Variants in ZNF827 observed in about 807,000 individuals in gnomAD.
ZNF827 encodes zinc finger protein 827.
In ZNF827, 13 loss-of-function variants were observed where a neutral mutation model predicts 102.4. That is an observed-to-expected ratio of 0.13 (90% CI 0.08 to 0.20). ZNF827 has a LOEUF of 0.20. ZNF827 is among the 10% of genes least tolerant of loss of function. The pLI is 1.00. For missense variants in ZNF827, 1,103 were observed against 1,344.4 expected, an observed-to-expected ratio of 0.82 and a Z score of 2.81; for synonymous variants, 523 against 536.2, an observed-to-expected ratio of 0.98 and a Z score of 0.34.
intron 2 of ZNF827, among the ~76,000 whole-genome samples, chr4:145,894,591 A>G (rs1211516485): frequency 6.6e-6 from 1 of 152,224 alleles, no homozygotes; most frequent in Admixed American, 6.5e-5. Flanking sequence ...AGTTTTACTA[A>G]TACAGGTCTA....
At chr4:145,794,278 T>C (rs1319145862) in intron 8 of ZNF827, among the ~76,000 whole-genome samples, 1 of 152,236 alleles carries the variant, frequency 6.6e-6, no homozygotes, top group Non-Finnish European at 1.5e-5. Flanking sequence ...CAACAGTGTA[T>C]GGCTGCTTTT....
At chr4:145,857,771 A>C (rs1218144627) in intron 5 of ZNF827, among the ~76,000 whole-genome samples, 1 of 152,132 alleles carries the variant, frequency 6.6e-6, no homozygotes, top group Non-Finnish European at 1.5e-5. Flanking sequence ...GTTAAATGTA[A>C]AACCTCTCCC....
chr4:145,870,594 A>T, intron 4 of ZNF827, 116 bp from the exon 5 acceptor site: 1 of 887,092 alleles, frequency 1.1e-6, no homozygotes, highest in Non-Finnish European at 1.7e-6. Flanking sequence ...AACCGGAGGG[A>T]TCACAACCTC....
chr4:145,762,338 G>A lies in ZNF827; in HGVS notation c.*18-740C>T, dbSNP rs1354920570. On this transcript the variant is annotated intron_variant, in intron 14 of 14. Transcript: ENST00000508784. The surrounding 1 kb of genome is among the most constrained non-coding windows in gnomAD (Gnocchi z 4.9). ...GGCCCATCTGCTAATGAGGAAGGGAGGAGGGAGGGAGACAACTGCTATCTG... is the reference window on the plus strand; with the variant it reads ...GGCCCATCTGCTAATGAGGAAGGGAAGAGGGAGGGAGACAACTGCTATCTG... Among the ~76,000 whole-genome samples, 1 of 152,194 alleles carries A rather than the reference G, an allele frequency of 6.6e-6. No homozygotes were observed. The highest frequency in any genetic ancestry group is 1.5e-5 in the Non-Finnish European group (1 of 68,042).
intron 7 of ZNF827, chr4:145,835,434 C>T (rs1350310761): frequency 3.3e-5 from 5 of 151,516 alleles, no homozygotes; most frequent in Non-Finnish European, 1.5e-5. Context: ...CTCCCCAACT[C>T]TGGTGCCAAC....
chr4:145,773,750 T>C (rs1247559958), intron 11 of ZNF827, among the ~76,000 whole-genome samples: 4 of 152,152 alleles, frequency 2.6e-5, no homozygotes, highest in African/African-American at 4.8e-5. Context: ...TAGACAGTGA[T>C]GGGTTTGTTT....
chr4:145,819,061 C>A (rs902793831), intron 8 of ZNF827, among the ~76,000 whole-genome samples: 3 of 151,578 alleles, frequency 2.0e-5, no homozygotes, highest in Admixed American at 6.6e-5. Context: ...TGCTGATGTT[C>A]ATCTTTTCTT....
At chr4:145,836,344 G>A (rs1192408383) in intron 7 of ZNF827, among the ~76,000 whole-genome samples, 2 of 151,536 alleles carry the variant, frequency 1.3e-5, no homozygotes, top group African/African-American at 4.8e-5. Context: ...AGCCTTTCTG[G>A]CCAAACAACT....
At chr4:145,766,085 G>A (rs10020778) in intron 11 of ZNF827, among the ~76,000 whole-genome samples, 146,051 of 152,314 alleles carry the variant, frequency 0.96, 70,090 homozygotes, top group African/African-American at 0.99. Flanking sequence ...CAAAAATCCT[G>A]TGTGGCACAA....
intron 3 of ZNF827, among the ~76,000 whole-genome samples, chr4:145,887,343 C>G (rs1040377042): frequency 6.6e-6 from 1 of 152,178 alleles, no homozygotes; most frequent in East Asian, 1.9e-4. Flanking sequence ...AGTTTTACAA[C>G]AGCTGTTTAT....
chr4:145,902,681 T>C lies in ZNF827; in HGVS notation c.578A>G (p.Gln193Arg). Reference sequence around the variant, plus strand: ...GGTTGAGTTTGGCAACCACTTACCTTGATTCCATATAAAACGGTTACTTGG... The same window carrying C: ...GGTTGAGTTTGGCAACCACTTACCTCGATTCCATATAAAACGGTTACTTGG... Reference protein sequence around the residue: ...YTPSNRFIWNQGKWLPNSTTT... With the variant: ...YTPSNRFIWNRGKWLPNSTTT... Residue 193 changes from glutamine to arginine, a missense_variant, in exon 2 of 15, where the codon CAA becomes CGA. Around this residue, in one of 5 missense-constraint regions of ZNF827, gnomAD observed 441 missense variants for 458.6 expected, o/e 0.96. Coordinates refer to ENST00000508784, the MANE Select transcript of ZNF827 (RefSeq NM_001306215.2). This position sits in a 1 kb window ranked among gnomAD's most constrained non-coding sequence, Gnocchi z 4.3. 3 of 1,613,974 alleles carry C rather than the reference T, an allele frequency of 1.9e-6. No homozygotes were observed. Among genetic ancestry groups the C allele is most frequent in the Non-Finnish European group, 1.7e-6 (2 of 1,180,040 alleles).
chr4:145,931,077 T>C (rs562634509), intron 1 of ZNF827, among the ~76,000 whole-genome samples: 23 of 152,150 alleles, frequency 1.5e-4, no homozygotes, highest in African/African-American at 5.5e-4. Flanking sequence ...TCCAATATCA[T>C]AAAAAATAAC....
At chr4:145,796,111 C>T (rs1046795428) in intron 8 of ZNF827, among the ~76,000 whole-genome samples, 1 of 152,160 alleles carries the variant, frequency 6.6e-6, no homozygotes, top group Non-Finnish European at 1.5e-5. Flanking sequence ...ATTCTGTTAA[C>T]TTGGGAAGGA....
intron 8 of ZNF827, among the ~76,000 whole-genome samples, chr4:145,816,070 A>G (rs1362908030): frequency 6.6e-6 from 1 of 152,192 alleles, no homozygotes; most frequent in Non-Finnish European, 1.5e-5. Flanking sequence ...GGGTCTTGCT[A>G]TGCTGTCCAG....
chr4:145,776,013 C>T, intron 9 of ZNF827, 53 bp from the exon 10 acceptor site: 2 of 1,602,612 alleles, frequency 1.2e-6, no homozygotes, highest in South Asian at 1.1e-5. Flanking sequence ...AAAGGAAGTC[C>T]CAACACCTTG....
At chr4:145,891,989 A>G (rs1750643346) in intron 3 of ZNF827, among the ~76,000 whole-genome samples, 1 of 152,198 alleles carries the variant, frequency 6.6e-6, no homozygotes, top group African/African-American at 2.4e-5. Flanking sequence ...GCTCCCCTAT[A>G]GGAGAGGACC....
Position 145,758,116 on chromosome 4 carries a change from T to C in ZNF827, c.*3500A>G, listed in dbSNP as rs777144956. 6.6e-6 allele frequency: 1 copy of C among 152,070 alleles called. No individual in the cohort carries two copies. The highest frequency in any genetic ancestry group is 1.5e-5 in the Non-Finnish European group (1 of 67,992). The allele number at this position is 152,070 out of a possible 1,614,324, so 9.4% of individuals were successfully genotyped here. A position where few individuals can be genotyped will look rare whatever the true frequency, so the allele number is the denominator to read the frequency against. ...AGATTTTTTTCTTTATTAATAACAATAATAATATAAAAAGTCAAACAAACT... is the reference window on the plus strand; with the variant it reads ...AGATTTTTTTCTTTATTAATAACAACAATAATATAAAAAGTCAAACAAACT... On this transcript the variant is annotated 3_prime_UTR_variant, in exon 15 of 15. Transcript: ENST00000508784.
At chr4:145,791,000 T>C (rs1415386335) in intron 8 of ZNF827, among the ~76,000 whole-genome samples, 1 of 152,250 alleles carries the variant, frequency 6.6e-6, no homozygotes, top group Non-Finnish European at 1.5e-5. Context: ...TATGTTTTTA[T>C]ATGATGGGAG....
intron 11 of ZNF827, among the ~76,000 whole-genome samples, chr4:145,772,441 A>G (rs1387358265): frequency 6.6e-6 from 1 of 152,224 alleles, no homozygotes; most frequent in African/African-American, 2.4e-5. Flanking sequence ...TAAATACAGG[A>G]AACCCTTGCT....
Sources: gnomAD v4.1 joint callset for allele counts (sites outside exome capture counted in the v4.1 genomes callset) on GRCh38, gnomAD v4.1.1 for gene constraint, gnomAD v4.1.1 regional missense constraint, Gnocchi (gnomAD v3.1) non-coding constraint, MANE v1.5 for transcripts, NCBI Gene and HGNC (gene_info 2026-07-23, HGNC 2026-07-21) for gene names.